GSE1: variants seen among roughly 807,000 people sequenced by gnomAD.
GSE1 encodes genetic suppressor element 1.
Under a neutral mutation model 112.6 loss-of-function variants are expected in GSE1, and 32 were observed. That is an observed-to-expected ratio of 0.28 (90% CI 0.21 to 0.38). GSE1 has a LOEUF of 0.38. Ranked by LOEUF, GSE1 falls within the 10% of genes least tolerant of loss-of-function variation. The probability of loss-of-function intolerance (pLI) is 1.00; values close to 1 mark genes in which losing one functional copy is unlikely to be tolerated. For missense variants in GSE1, 2,348 were observed against 1,699.2 expected (o/e 1.38, Z -6.71); for synonymous variants, 1,115 against 735.6 (o/e 1.52, Z -8.35).
At chr16:85,337,889 C>T (rs1271288974) in intron 1 of GSE1, among the ~76,000 whole-genome samples, 1 of 152,256 alleles carries the variant, frequency 6.6e-6, no homozygotes, top group African/African-American at 2.4e-5. Flanking sequence ...AAACCACTGG[C>T]CAAAGCCTCC....
chr16:85,633,883 G>A, intron 1 of GSE1, 31 bp from the exon 2 acceptor site: 1 of 1,568,658 alleles, frequency 6.4e-7, no homozygotes, highest in Non-Finnish European at 8.7e-7. Flanking sequence ...TGCTCTCTGG[G>A]TGACCTCTGG....
At chr16:85,274,171 G>A (rs1909130503) in intron 1 of GSE1, among the ~76,000 whole-genome samples, 1 of 150,962 alleles carries the variant, frequency 6.6e-6, no homozygotes, top group Non-Finnish European at 1.5e-5. Context: ...GGATCACGAG[G>A]TTAGGAGTTC....
Position 85,216,271 on chromosome 16 carries a change from G to A in GSE1, c.2283+44464G>A, listed in dbSNP as rs28637087. 7.1e-3 allele frequency among the ~76,000 whole-genome samples: 1,080 copies of A among 152,266 alleles called. 17 individuals are homozygous for A. The highest frequency in any genetic ancestry group is 0.025 in the African/African-American group (1,030 of 41,526). ...ATCAAAAAATTAGCCAGGCATGGTG[G>A]TGTGCACCTGTAGTCCCAGCTACTC... is the stretch of plus-strand genomic sequence containing the variant. On this transcript the variant is annotated intron_variant, in intron 1 of 2. Coordinates refer to the GSE1 transcript ENST00000637419.
At chr16:85,379,171 C>G (rs1430402968) in intron 2 of GSE1, among the ~76,000 whole-genome samples, 1 of 152,196 alleles carries the variant, frequency 6.6e-6, no homozygotes, top group East Asian at 1.9e-4. Flanking sequence ...CGATGGCTGC[C>G]CCTCCCTGGG....
At chr16:85,299,142 C>T (rs769115146) in intron 1 of GSE1, among the ~76,000 whole-genome samples, 9 of 152,324 alleles carry the variant, frequency 5.9e-5, no homozygotes, top group East Asian at 1.9e-4. Context: ...ATCCCATGTC[C>T]GTATGTTTGC....
intron 1 of GSE1, among the ~76,000 whole-genome samples, chr16:85,267,323 G>C (rs1908352008): frequency 6.6e-6 from 1 of 152,110 alleles, no homozygotes; most frequent in Admixed American, 6.5e-5. Flanking sequence ...AAACCCAGAA[G>C]CAAAGTGGAC....
intron 2 of GSE1, among the ~76,000 whole-genome samples, chr16:85,375,352 G>C (rs1362349488): frequency 6.6e-6 from 1 of 152,178 alleles, no homozygotes; most frequent in Non-Finnish European, 1.5e-5. Flanking sequence ...CAATGCAGGA[G>C]TCTCAGATGA....
At chr16:85,285,754 T>A (rs946313777) in intron 1 of GSE1, 16 of 149,774 alleles carry the variant, frequency 1.1e-4, no homozygotes, top group African/African-American at 3.9e-4. Context: ...AGACCTAGAA[T>A]CAGGACCTGC....
chr16:85,357,068 C>T (rs1281000856), intron 1 of GSE1, among the ~76,000 whole-genome samples: 8 of 152,224 alleles, frequency 5.3e-5, no homozygotes, highest in Admixed American at 3.9e-4. Flanking sequence ...TCCCCACCAC[C>T]GCCAGGGGAC....
At chr16:85,658,703 C>T (rs1377809177) in intron 8 of GSE1, among the ~76,000 whole-genome samples, 1 of 152,210 alleles carries the variant, frequency 6.6e-6, no homozygotes, top group South Asian at 2.1e-4. Context: ...TCCCTGAGGC[C>T]TCTCAGGCTC....
At chr16:85,665,260 A>C (rs2052747467) in intron 12 of GSE1, 132 bp downstream of exon 12, 1 of 617,532 alleles carries the variant, frequency 1.6e-6, no homozygotes, top group South Asian at 1.9e-5. Context: ...CCATTCTTGT[A>C]CCAGCGTACG....
intron 2 of GSE1, among the ~76,000 whole-genome samples, chr16:85,545,985 C>A (rs2044683814): frequency 6.6e-6 from 1 of 152,176 alleles, no homozygotes; most frequent in Non-Finnish European, 1.5e-5. Context: ...CGGGGTTTCA[C>A]TGTGTTAGCC....
At chr16:85,456,762 G>A (rs1488248544) in intron 2 of GSE1, among the ~76,000 whole-genome samples, 5 of 152,170 alleles carry the variant, frequency 3.3e-5, no homozygotes, top group African/African-American at 7.2e-5. Flanking sequence ...TGAGAGGCCC[G>A]CTAGGAGGCT....
At chr16:85,643,708 G>C (rs2050628121) in intron 2 of GSE1, among the ~76,000 whole-genome samples, 2 of 152,178 alleles carry the variant, frequency 1.3e-5, no homozygotes, top group Admixed American at 1.3e-4. Flanking sequence ...TAGAGTTGGG[G>C]TACAGAGAAG....
Position 85,331,159 on chromosome 16 carries a change from T to G in GSE1, c.2284-26304T>G, listed in dbSNP as rs920412625. 1.3e-4 allele frequency among the ~76,000 whole-genome samples: 19 copies of G among 150,670 alleles called. No homozygotes were observed. In the East Asian group the frequency reaches 3.5e-3, roughly 28 times the overall value. On this transcript the variant is annotated intron_variant, in intron 1 of 2. Coordinates refer to the GSE1 transcript ENST00000637419. ...ATTTTTTAAATTTTTATTATTTATT[T>G]ATTTATTTTTTGAGACCGACTCTCA...
chr16:85,483,840 G>A (rs552100694), intron 2 of GSE1, among the ~76,000 whole-genome samples: 1 of 152,368 alleles, frequency 6.6e-6, no homozygotes, highest in Non-Finnish European at 1.5e-5. Context: ...AAGAATGTTG[G>A]GGAGCTTGCA....
At chr16:85,213,601 C>G (rs936670830) in intron 1 of GSE1, among the ~76,000 whole-genome samples, 1 of 152,256 alleles carries the variant, frequency 6.6e-6, no homozygotes, top group Non-Finnish European at 1.5e-5. Context: ...GGCTATGGCT[C>G]CTGCACGGAT....
chr16:85,642,081 G>T (rs1055046850), intron 2 of GSE1, among the ~76,000 whole-genome samples: 2 of 152,256 alleles, frequency 1.3e-5, no homozygotes, highest in African/African-American at 4.8e-5. Context: ...GCCGTTGGTG[G>T]GTCTGCTCCA....
chr16:85,671,027 C>A lies in GSE1; in HGVS notation c.3448C>A (p.Gln1150Lys). Residue 1150 changes from glutamine (Q) to lysine (K), a missense_variant, in exon 15 of 16, where the codon CAA becomes AAA. Gln to Lys is a moderately conservative substitution (Grantham distance 53, BLOSUM62 1). Transcript: ENST00000253458. ...QNLERQVLQT[Q>K]CRRLEARHYS... ...TCTGGAGCGGCAGGTGTTACAGACA[C>A]AATGTAGACGACTGGAGGCCCGGCA... 1 of 1,611,958 alleles carries A rather than the reference C, an allele frequency of 6.2e-7. No individual in the cohort carries two copies. The highest frequency in any genetic ancestry group is 8.5e-7 in the Non-Finnish European group (1 of 1,178,172).
Sources: gnomAD v4.1 joint callset for allele counts (sites outside exome capture counted in the v4.1 genomes callset) on GRCh38, gnomAD v4.1.1 for gene constraint, MANE v1.5 for transcripts, NCBI Gene and HGNC (gene_info 2026-07-23, HGNC 2026-07-21) for gene names.